Variants in RALGAPA2 observed in about 807,000 individuals in gnomAD.
RALGAPA2 encodes the protein Ral GTPase activating protein catalytic subunit alpha 2.
In RALGAPA2, 139 loss-of-function variants were observed where a neutral mutation model predicts 230.4. That is an observed-to-expected ratio of 0.60 (90% CI 0.53 to 0.69). The LOEUF is 0.69. Ranked by LOEUF, RALGAPA2 falls within the 30% of genes least tolerant of loss-of-function variation. RALGAPA2 has a pLI of 0.00. For synonymous variants in RALGAPA2, 847 were observed against 837.8 expected (o/e 1.01, Z -0.19); for missense variants, 2,163 against 2,276.0 (o/e 0.95, Z 1.01).
At chr20:20,711,269 A>C (rs2069850618) in intron 1 of RALGAPA2, among the ~76,000 whole-genome samples, 1 of 152,230 alleles carries the variant, frequency 6.6e-6, no homozygotes, top group Non-Finnish European at 1.5e-5. Flanking sequence ...ATCTTTATTT[A>C]AAATCTTCAC....
intron 17 of RALGAPA2, among the ~76,000 whole-genome samples, chr20:20,590,036 T>C (rs987129935): frequency 1.3e-5 from 2 of 151,310 alleles, no homozygotes; most frequent in African/African-American, 4.8e-5. Flanking sequence ...ATGTATAATA[T>C]ATTGTTTTGA....
At chr20:20,439,288 C>T (rs894151219) in intron 37 of RALGAPA2, among the ~76,000 whole-genome samples, 1 of 151,958 alleles carries the variant, frequency 6.6e-6, no homozygotes, top group African/African-American at 2.4e-5. Context: ...TCTCAACTCA[C>T]TGCAGCCGTG....
chr20:20,401,912 C>T (rs1360110149), intron 38 of RALGAPA2, among the ~76,000 whole-genome samples: 2 of 152,340 alleles, frequency 1.3e-5, no homozygotes, highest in African/African-American at 2.4e-5. Context: ...GTGGCATGGT[C>T]TTTGCCACTG....
At chr20:20,641,061 G>A (rs753565883) in intron 5 of RALGAPA2, among the ~76,000 whole-genome samples, 183 bp from the exon 6 acceptor site, 2 of 152,198 alleles carry the variant, frequency 1.3e-5, no homozygotes, top group Admixed American at 6.5e-5. Context: ...TTAAGAGCCT[G>A]GGTTCTGGAG....
At chr20:20,673,161 G>A (rs908773012) in intron 3 of RALGAPA2, among the ~76,000 whole-genome samples, 1 of 150,394 alleles carries the variant, frequency 6.6e-6, no homozygotes, top group Non-Finnish European at 1.5e-5. Flanking sequence ...CTCCAGCCTG[G>A]GCGACAGAGA....
chr20:20,689,147 A>C (rs1461657346), intron 1 of RALGAPA2, among the ~76,000 whole-genome samples: 1 of 152,172 alleles, frequency 6.6e-6, no homozygotes, highest in Admixed American at 6.5e-5. Context: ...CAGCACTAAA[A>C]TTTTTAAACT....
chr20:20,473,046 A>G lies in RALGAPA2; in HGVS notation c.5368-90T>C, dbSNP rs2061574627. 8.8e-6 allele frequency: 12 copies of G among 1,368,914 alleles called. No individual in the cohort carries two copies. In the South Asian group the frequency reaches 1.1e-4, roughly 13 times the overall value. The allele number at this position is 1,368,914 out of a possible 1,614,324, so 84.8% of individuals were successfully genotyped here. A position where few individuals can be genotyped will look rare whatever the true frequency, so the allele number is the denominator to read the frequency against. ...GTAGCTGACTGATGTCAGACCTGCA[A>G]TGAGCACTTAAGCTGTCACCCACAG... On this transcript the variant is annotated intron_variant, in intron 36 of 39. Coordinates refer to ENST00000202677, the MANE Select transcript of RALGAPA2 (RefSeq NM_020343.4).
chr20:20,531,594 GGGGGATAAAAAAGAT>G, intron 27 of RALGAPA2, 78 bp downstream of exon 27: 2 of 1,062,382 alleles, frequency 1.9e-6, no homozygotes, highest in South Asian at 1.4e-5. Context: ...TCTGTCATTT[GGGGGATAAAAAAGAT>G]GGGGCTAATT....
At chr20:20,702,920 C>T (rs2069446701) in intron 1 of RALGAPA2, among the ~76,000 whole-genome samples, 1 of 152,176 alleles carries the variant, frequency 6.6e-6, no homozygotes, top group Non-Finnish European at 1.5e-5. Flanking sequence ...GGCCTGTAAT[C>T]CCAGCAGTTT....
chr20:20,402,335 T>C (rs2059860867), intron 38 of RALGAPA2, among the ~76,000 whole-genome samples: 1 of 152,212 alleles, frequency 6.6e-6, no homozygotes, highest in Non-Finnish European at 1.5e-5. Context: ...TAAAAAAAGC[T>C]AGGGAGCCTT....
chr20:20,631,286 C>A (rs1415823960), intron 9 of RALGAPA2, among the ~76,000 whole-genome samples: 1 of 152,250 alleles, frequency 6.6e-6, no homozygotes, highest in African/African-American at 2.4e-5. Context: ...TTGGACCTTG[C>A]AGACCAACCA....
At chr20:20,424,100 G>A (rs550921797) in intron 37 of RALGAPA2, among the ~76,000 whole-genome samples, 278 of 152,244 alleles carry the variant, frequency 1.8e-3, no homozygotes, top group Non-Finnish European at 3.2e-3. Flanking sequence ...AATCCGAGGC[G>A]CTCCACACAT....
intron 20 of RALGAPA2, among the ~76,000 whole-genome samples, chr20:20,579,638 A>T (rs6082058): frequency 0.074 from 11,285 of 152,088 alleles, 574 homozygotes; most frequent in East Asian, 0.16. Flanking sequence ...GCTATTTTTT[A>T]AAAAAAATCA....
chr20:20,589,355 T>C lies in RALGAPA2; in HGVS notation c.2352A>G (p.Ala784=). 1.3e-6 allele frequency: 2 copies of C among 1,585,398 alleles called. No homozygotes were observed. Among genetic ancestry groups the C allele is most frequent in the Non-Finnish European group, 1.7e-6 (2 of 1,163,990 alleles). ...AAGAACTCGAATTCTGTGTGTTTTCTGCCTTTTGACCTAGAAATGGTGGGG... is the reference window on the plus strand; with the variant it reads ...AAGAACTCGAATTCTGTGTGTTTTCCGCCTTTTGACCTAGAAATGGTGGGG... ...LCSDSSQGQK[A]ENTQNSSSSE... is the part of the protein sequence containing the mutation. The change falls in exon 18 of 40, where the codon GCA becomes GCG. Residue 784 remains alanine (A), a synonymous_variant. Coordinates refer to ENST00000202677, the MANE Select transcript of RALGAPA2 (RefSeq NM_020343.4).
intron 37 of RALGAPA2, among the ~76,000 whole-genome samples, chr20:20,441,013 T>C (rs2060726276): frequency 6.6e-6 from 1 of 152,270 alleles, no homozygotes; most frequent in African/African-American, 2.4e-5. Flanking sequence ...AATTTATACA[T>C]GGATCCTGGC....
At position 20,616,170 on chromosome 20, in the gene RALGAPA2, T is replaced by C. The variant is rs988961496; in HGVS notation, c.1561A>G (p.Asn521Asp). The C allele has an allele frequency of 2.6e-6, 4 of 1,529,978 alleles. No homozygotes were observed. In the African/African-American group the frequency reaches 4.2e-5, roughly 16 times the overall value. The allele number at this position is 1,529,978 out of a possible 1,614,324, so 94.8% of individuals were successfully genotyped here. Residue 521 changes from asparagine to aspartate, a missense_variant, in exon 13 of 40, where the codon AAC (asparagine) becomes GAC (aspartate). Transcript: ENST00000202677. ...LLQVFLTNSA[N>D]IFLLEPCAEV... ...GCACATGGTTCCAACAAAAAGATGT[T>C]TGCAGAGTTCGTCAAAAATACCTTA...
At chr20:20,661,435 T>C (rs1401134608) in intron 3 of RALGAPA2, among the ~76,000 whole-genome samples, 2 of 152,186 alleles carry the variant, frequency 1.3e-5, no homozygotes, top group African/African-American at 4.8e-5. Flanking sequence ...GCTGGGATTA[T>C]AGGTGTGAGT....
intron 3 of RALGAPA2, among the ~76,000 whole-genome samples, chr20:20,667,051 G>T (rs1282687967): frequency 6.6e-6 from 1 of 152,104 alleles, no homozygotes; most frequent in Admixed American, 6.5e-5. Flanking sequence ...GTAAAATGGT[G>T]CTACTAAATG....
intron 37 of RALGAPA2, among the ~76,000 whole-genome samples, chr20:20,423,096 C>G (rs554816625): frequency 3.3e-5 from 5 of 152,272 alleles, no homozygotes; most frequent in African/African-American, 1.2e-4. Context: ...CCCAGCTGGA[C>G]TTGGGGTGCT....
Sources: allele counts gnomAD v4.1 joint callset (sites outside exome capture counted in the v4.1 genomes callset), GRCh38; gene constraint gnomAD v4.1.1; transcripts MANE v1.5; gene names NCBI Gene and HGNC (gene_info 2026-07-23, HGNC 2026-07-21).